TTN: variants seen among roughly 807,000 people sequenced by gnomAD.
TTN encodes the protein titin, also known as connectin.
In TTN, 1,525 loss-of-function variants were observed where a neutral mutation model predicts 3,223.0. The observed-to-expected ratio is 0.47, with a 90% CI of 0.45 to 0.49. The LOEUF (loss-of-function observed/expected upper bound fraction) is 0.49. Ranked by LOEUF, TTN falls within the 20% of genes least tolerant of loss-of-function variation. TTN has a pLI of 0.00. For missense variants in TTN, 40,786 were observed against 43,424.0 expected (o/e 0.94, Z 5.40); for synonymous variants, 14,094 against 15,161.0 (o/e 0.93, Z 5.17).
At position 178,583,780 on chromosome 2, in the gene TTN, C is replaced by T; in HGVS notation, c.65402G>A (p.Gly21801Asp). ...GYFVEACKLP[G>D]DKWVRCNTAP... The stretch of plus-strand genomic sequence containing the variant: ...AGTATTGCACCGTACCCATTTATCA[C>T]CAGGAAGTTTGCAAGCTTCTACGAA... Residue 21801 changes from glycine to aspartate, a missense_variant, in exon 312 of 363, where the codon GGT becomes GAT. Gly to Asp is a moderately conservative substitution (Grantham distance 94). Coordinates refer to ENST00000589042, the MANE Select transcript of TTN (RefSeq NM_001267550.2). The T allele has an allele frequency of 6.2e-7, 1 of 1,610,978 alleles. No individual in the cohort carries two copies. Among genetic ancestry groups the T allele is most frequent in the Non-Finnish European group, 8.5e-7 (1 of 1,178,518 alleles).
At chr2:178,644,013 C>G (rs2061564681) in intron 218 of TTN, among the ~76,000 whole-genome samples, 1 of 151,870 alleles carries the variant, frequency 6.6e-6, no homozygotes, top group Non-Finnish European at 1.5e-5. Flanking sequence ...AAATTACCTA[C>G]AGTAATAAGG....
chr2:178,571,261 CT>C lies in TTN; in HGVS notation c.74870del (p.Lys24957SerfsTer2). ...TTTGAGGAATAGGTGTTTTATTCAA[CT>C]TAACCCAGAGGATGCTATTTCTTTC... ...RKERNSILWVKLNKTPIPQTK... is the reference protein window; with the variant it reads ...RKERNSILWVXLNKTPIPQTK... On this transcript the variant is annotated frameshift_variant, in exon 326 of 363. Transcript: ENST00000589042. LOFTEE classifies it high-confidence loss of function. The C allele has an allele frequency of 6.2e-7, 1 of 1,613,534 alleles. No homozygotes were observed. The highest frequency in any genetic ancestry group is 8.5e-7 in the Non-Finnish European group (1 of 1,179,642).
intron 8 of TTN, among the ~76,000 whole-genome samples, 190 bp downstream of exon 8, chr2:178,794,209 T>C (rs2093653333): frequency 6.6e-6 from 1 of 152,250 alleles, no homozygotes; most frequent in South Asian, 2.1e-4. Flanking sequence ...ATACTCACAT[T>C]GTCAACACCT....
chr2:178,549,061 C>T lies in TTN; in HGVS notation c.92565G>A (p.Gly30855=). The T allele has an allele frequency of 6.2e-7, 1 of 1,613,814 alleles. No homozygotes were observed. Among genetic ancestry groups the T allele is most frequent in the Non-Finnish European group, 8.5e-7 (1 of 1,179,816 alleles). The change falls in exon 339 of 363, where the codon GGG becomes GGA. Residue 30855 remains glycine (G), a synonymous_variant. Coordinates refer to ENST00000589042, the MANE Select transcript of TTN (RefSeq NM_001267550.2). ...CGGCCTTACACATTTCAATAATATA[C>T]CCAATTATTTCCATGCCACCATCAA... is the stretch of plus-strand genomic sequence containing the variant. ...PVFDGGMEII[G]YIIEMCKADL...
intron 208 of TTN, 116 bp from the exon 209 acceptor site, chr2:178,650,950 C>T: frequency 1.8e-6 from 2 of 1,102,506 alleles, no homozygotes; most frequent in East Asian, 5.1e-5. Context: ...GAACAAATTT[C>T]ACAATAAGGT....
chr2:178,674,206 C>G (rs1434023513), intron 151 of TTN, 108 bp downstream of exon 151: 2 of 704,176 alleles, frequency 2.8e-6, no homozygotes, highest in African/African-American at 3.7e-5. Context: ...TTCACTTTAT[C>G]ATGGATACGA....
Position 178,789,438 on chromosome 2 carries a change from G to A in TTN, c.1998C>T (p.Ala666=), listed in dbSNP as rs1196681012. The A allele has an allele frequency of 6.2e-7, 1 of 1,613,494 alleles. No individual in the cohort carries two copies. The highest frequency in any genetic ancestry group is 8.5e-7 in the Non-Finnish European group (1 of 1,179,590). The change falls in exon 13 of 363, where the codon GCC becomes GCT. Residue 666 remains alanine, a synonymous_variant. Coordinates refer to ENST00000589042, the MANE Select transcript of TTN (RefSeq NM_001267550.2). ...TTCTCAGTATTGTTTCTTGTTCTTT[G>A]GCTTTAGCAGTAGCAACTGCTATTG... ...LSTIAVATAK[A]KEQETILRTR...
In TTN at chr2:178,720,121, T is replaced by A. The variant is rs753072306; in HGVS notation, c.23521A>T (p.Asn7841Tyr). 7.4e-6 allele frequency: 12 copies of A among 1,613,682 alleles called. No individual in the cohort carries two copies. The East Asian group carries it at 2.5e-4, about 33-fold the overall frequency. The change falls in exon 81 of 363, where the codon AAT becomes TAT. Residue 7841 changes from asparagine (N) to tyrosine (Y), a missense_variant. Transcript: ENST00000589042. ...DRGEVIRESENTRISFIDNIA... is the reference protein window; with the variant it reads ...DRGEVIRESEYTRISFIDNIA... Reference sequence around the variant, plus strand: ...TTATCAATGAATGAAATCCTGGTATTTTCACTCTCTCTGATGACTTCACCT... The same window carrying A: ...TTATCAATGAATGAAATCCTGGTATATTCACTCTCTCTGATGACTTCACCT...
intron 208 of TTN, 118 bp from the exon 209 acceptor site, chr2:178,650,952 C>A: frequency 9.2e-7 from 1 of 1,088,838 alleles, no homozygotes; most frequent in Non-Finnish European, 1.4e-6. Context: ...ACAAATTTCA[C>A]AATAAGGTCA....
intron 7 of TTN, 105 bp downstream of exon 7, chr2:178,794,817 A>T: frequency 6.9e-7 from 1 of 1,442,968 alleles, no homozygotes; most frequent in Non-Finnish European, 9.6e-7. Flanking sequence ...TTTTATGTTC[A>T]TATGCATTTT....
chr2:178,779,542 A>G, intron 22 of TTN, 80 bp from the exon 23 acceptor site: 1 of 981,254 alleles, frequency 1.0e-6, no homozygotes, highest in Non-Finnish European at 1.5e-6. Context: ...TCTGAGCTAG[A>G]CTGTTGAAGT....
At position 178,558,196 on chromosome 2, in the gene TTN, G is replaced by A. The variant is rs573319412; in HGVS notation, c.87158C>T (p.Thr29053Ile). The change falls in exon 328 of 363, where the codon ACT (threonine) becomes ATT (isoleucine). Residue 29053 changes from threonine (T) to isoleucine (I), a missense_variant. By Grantham distance (89) the Thr-to-Ile change is moderately conservative. Coordinates refer to ENST00000589042, the MANE Select transcript of TTN (RefSeq NM_001267550.2). ...GTTTGAACCAGCTCTAACATATACAGTGTGACTTGGGAAATTCTTCATATC... is the reference window on the plus strand; with the variant it reads ...GTTTGAACCAGCTCTAACATATACAATGTGACTTGGGAAATTCTTCATATC... ...EIDMKNFPSHTVYVRAGSNLK... is the reference protein window; with the variant it reads ...EIDMKNFPSHIVYVRAGSNLK... 37 of 1,610,694 alleles carry A rather than the reference G, an allele frequency of 2.3e-5. No homozygotes were observed. In the East Asian group the frequency reaches 3.6e-4, roughly 16 times the overall value.
At chr2:178,779,797 CAT>C in intron 22 of TTN, 2 of 588,424 alleles carry the variant, frequency 3.4e-6, no homozygotes, top group Non-Finnish European at 3.0e-6. Context: ...TTTAAAGTCA[CAT>C]TTATGGCCTA....
chr2:178,617,152 A>C lies in TTN; in HGVS notation c.47843T>G (p.Ile15948Ser), dbSNP rs767552822. 1 of 1,607,508 alleles carries C rather than the reference A, an allele frequency of 6.2e-7. No homozygotes were observed. The highest frequency in any genetic ancestry group is 8.5e-7 in the Non-Finnish European group (1 of 1,176,794). The change falls in exon 255 of 363, where the codon ATT becomes AGT. Residue 15948 changes from isoleucine (I) to serine (S), a missense_variant. By Grantham distance (142) the Ile-to-Ser change is moderately radical. Coordinates refer to ENST00000589042, the MANE Select transcript of TTN (RefSeq NM_001267550.2). ...ATCGTCAGCGGTGAGAGGACCAAGAATTTCAGATGGATCTGAAACACCAGC... is the reference window on the plus strand; with the variant it reads ...ATCGTCAGCGGTGAGAGGACCAAGACTTTCAGATGGATCTGAAACACCAGC... The part of the protein sequence containing the change: ...NKAGVSDPSE[I>S]LGPLTADDAF...
Position 178,577,219 on chromosome 2 carries a change from T to C in TTN, c.69116A>G (p.Asp23039Gly), listed in dbSNP as rs368468760. Reference protein sequence around the residue: ...KVEHVKVTVLDVPGPPGPVEI... With the variant: ...KVEHVKVTVLGVPGPPGPVEI... ...AACAGGACCTGGGGGACCAGGTACA[T>C]CAAGGACTGTTACCTTCACATGTTC... The change falls in exon 324 of 363, where the codon GAT (aspartate) becomes GGT (glycine). Residue 23039 changes from aspartate (D) to glycine (G), a missense_variant. Asp to Gly is a moderately conservative substitution (Grantham distance 94). Coordinates refer to ENST00000589042, the MANE Select transcript of TTN (RefSeq NM_001267550.2). 1.9e-6 allele frequency: 3 copies of C among 1,612,822 alleles called. No individual in the cohort carries two copies. Among genetic ancestry groups the C allele is most frequent in the Non-Finnish European group, 2.5e-6 (3 of 1,179,486 alleles).
chr2:178,630,942 A>G lies in TTN; in HGVS notation c.44016T>C (p.Asp14672=). ...GGGGTCGCACCAGTTTAATTTCCCG[A>G]TCTAGAAAAGTGAAGGGCCAGCATG... ...DKTSGKLDIE[D]REIKLVRPLH... The change falls in exon 238 of 363, where the codon GAT becomes GAC. Residue 14672 remains aspartate, a splice_region_variant and synonymous_variant. Transcript: ENST00000589042. The G allele has an allele frequency of 6.2e-7, 1 of 1,611,428 alleles. No individual in the cohort carries two copies. Among genetic ancestry groups the G allele is most frequent in the Non-Finnish European group, 8.5e-7 (1 of 1,179,060 alleles).
In TTN at chr2:178,647,877, C is replaced by T. The variant is rs192294216; in HGVS notation, c.40058-413G>A. 3.3e-5 allele frequency among the ~76,000 whole-genome samples: 5 copies of T among 152,230 alleles called. No homozygotes were observed. The South Asian group carries it at 6.2e-4, about 19-fold the overall frequency. On this transcript the variant is annotated intron_variant, in intron 213 of 362. Coordinates refer to ENST00000589042, the MANE Select transcript of TTN (RefSeq NM_001267550.2). ...AAGCACATCTACCATTTTCCTCTAA[C>T]GTTAGTTCAGAGACCCAATGAACCA...
intron 99 of TTN, among the ~76,000 whole-genome samples, chr2:178,708,340 A>T (rs979825265): frequency 4.6e-5 from 7 of 152,208 alleles, no homozygotes; most frequent in Non-Finnish European, 8.8e-5. Flanking sequence ...TAGCATTTAA[A>T]ATCCAATCTT....
intron 211 of TTN, 66 bp from the exon 212 acceptor site, chr2:178,649,697 A>G: frequency 6.5e-7 from 1 of 1,535,004 alleles, no homozygotes; most frequent in South Asian, 1.2e-5. Context: ...ATACAAGTTT[A>G]TTCAACACTG....
Sources: gnomAD v4.1 joint callset for allele counts (sites outside exome capture counted in the v4.1 genomes callset) on GRCh38, gnomAD v4.1.1 for gene constraint, MANE v1.5 for transcripts, NCBI Gene and HGNC (gene_info 2026-07-23, HGNC 2026-07-21) for gene names.